The following UST variants were observed in gnomAD, a reference collection of about 807,000 sequenced individuals.
UST encodes the protein uronyl 2-sulfotransferase, also known as chondroitin sulfate 2-O-sulfotransferase.
A neutral mutation model predicts 45.6 loss-of-function variants in UST; 21 were observed. The observed-to-expected ratio is 0.46, with a 90% CI of 0.33 to 0.66. The LOEUF (loss-of-function observed/expected upper bound fraction) is 0.66. UST is among the 30% of genes least tolerant of loss of function. The pLI, the probability that UST is intolerant of heterozygous loss-of-function variation, is 0.02. For missense variants in UST, 463 were observed against 512.4 expected (o/e 0.90, Z 0.93); for synonymous variants, 215 against 200.6 (o/e 1.07, Z -0.61).
At chr6:148,899,177 G>T (rs1399131654) in intron 2 of UST, among the ~76,000 whole-genome samples, 2 of 130,318 alleles carry the variant, frequency 1.5e-5, no homozygotes, top group Non-Finnish European at 3.1e-5. Flanking sequence ...TCGGCTCACT[G>T]CAAGCTCCGC....
chr6:149,065,405 G>A (rs972271293), intron 7 of UST, among the ~76,000 whole-genome samples: 3 of 152,176 alleles, frequency 2.0e-5, no homozygotes, highest in African/African-American at 7.2e-5. Flanking sequence ...TTATCGTACA[G>A]CAAGACACAC....
intron 1 of UST, among the ~76,000 whole-genome samples, chr6:148,869,636 A>G (rs1778511751): frequency 6.6e-6 from 1 of 152,204 alleles, no homozygotes; most frequent in Non-Finnish European, 1.5e-5. Flanking sequence ...CGCTGGCATC[A>G]AACGCATTTC....
chr6:148,993,154 C>T (rs568382256), intron 5 of UST: 25 of 839,006 alleles, frequency 3.0e-5, no homozygotes, highest in Middle Eastern at 1.2e-3. Flanking sequence ...TCGATTTCTA[C>T]ATCTAAACAA....
At chr6:148,930,508 T>C (rs1478968179) in intron 2 of UST, among the ~76,000 whole-genome samples, 1 of 152,198 alleles carries the variant, frequency 6.6e-6, no homozygotes, top group Non-Finnish European at 1.5e-5. Flanking sequence ...TTGCTGAATT[T>C]AGTCACAGAA....
chr6:148,756,060 A>G (rs1031809120), intron 1 of UST, among the ~76,000 whole-genome samples: 11 of 136,606 alleles, frequency 8.1e-5, no homozygotes, highest in African/African-American at 1.7e-4. Context: ...CCTGTGTCCA[A>G]GTGTTCTCAT....
At chr6:149,019,829 T>G (rs887394053) in intron 6 of UST, among the ~76,000 whole-genome samples, 5 of 152,244 alleles carry the variant, frequency 3.3e-5, no homozygotes, top group African/African-American at 4.8e-5. Context: ...GGGTGTGATC[T>G]GCCCAGGTCC....
At chr6:148,832,727 C>G (rs1005760034) in intron 1 of UST, among the ~76,000 whole-genome samples, 7 of 152,116 alleles carry the variant, frequency 4.6e-5, no homozygotes, top group African/African-American at 1.7e-4. Context: ...GGATACAATA[C>G]CTTATTAGAG....
At chr6:148,940,735 C>T (rs576592707) in intron 2 of UST, among the ~76,000 whole-genome samples, 1 of 152,282 alleles carries the variant, frequency 6.6e-6, no homozygotes, top group Admixed American at 6.5e-5. Flanking sequence ...GAAGTGGTAT[C>T]TCATTGCGAT....
At chr6:148,904,782 G>A (rs1779325632) in intron 2 of UST, among the ~76,000 whole-genome samples, 1 of 152,184 alleles carries the variant, frequency 6.6e-6, no homozygotes, top group Non-Finnish European at 1.5e-5. Context: ...GTCTCCCAAA[G>A]TGCTAAGATA....
At chr6:148,933,428 ATT>A (rs1195931381) in intron 2 of UST, among the ~76,000 whole-genome samples, 3 of 152,216 alleles carry the variant, frequency 2.0e-5, no homozygotes, top group African/African-American at 7.2e-5. Flanking sequence ...TGTAGGTAGC[ATT>A]ACACATGGAA....
intron 1 of UST, among the ~76,000 whole-genome samples, chr6:148,788,061 C>T (rs1418605652): frequency 2.0e-5 from 3 of 152,150 alleles, no homozygotes; most frequent in Admixed American, 6.5e-5. Context: ...TTCCACATGG[C>T]TAGGGAGGCC....
At chr6:149,037,108 G>T (rs1486340018) in intron 7 of UST, among the ~76,000 whole-genome samples, 1 of 152,058 alleles carries the variant, frequency 6.6e-6, no homozygotes, top group African/African-American at 2.4e-5. Context: ...GGGAGTGAAG[G>T]CCTCGGGGGG....
At chr6:148,941,491 T>TATG in intron 3 of UST, 57 bp downstream of exon 3, 1 of 1,527,812 alleles carries the variant, frequency 6.5e-7, no homozygotes, top group Non-Finnish European at 8.8e-7. Flanking sequence ...TTTGTGTAAC[T>TATG]AGTGGGTGCC....
chr6:148,859,664 T>G (rs1207943358), intron 1 of UST, among the ~76,000 whole-genome samples: 2 of 152,232 alleles, frequency 1.3e-5, no homozygotes, highest in African/African-American at 4.8e-5. Context: ...TCGAATTAAT[T>G]TTTGTATAAG....
At chr6:148,951,605 C>T (rs1453436164) in intron 3 of UST, among the ~76,000 whole-genome samples, 1 of 152,118 alleles carries the variant, frequency 6.6e-6, no homozygotes, top group Non-Finnish European at 1.5e-5. Context: ...GGTGAAGGAA[C>T]AGGCAGGCTG....
At chr6:148,782,406 G>A (rs1306417235) in intron 1 of UST, among the ~76,000 whole-genome samples, 1 of 152,012 alleles carries the variant, frequency 6.6e-6, no homozygotes, top group Non-Finnish European at 1.5e-5. Flanking sequence ...GGACTAAATT[G>A]CTGCTATCTC....
intron 1 of UST, among the ~76,000 whole-genome samples, chr6:148,777,837 A>G (rs1776565003): frequency 6.6e-6 from 1 of 152,212 alleles, no homozygotes; most frequent in African/African-American, 2.4e-5. Context: ...TACAGGCATG[A>G]GCCACCACAC....
At chr6:148,909,353 T>A (rs1249712995) in intron 2 of UST, among the ~76,000 whole-genome samples, 1 of 152,190 alleles carries the variant, frequency 6.6e-6, no homozygotes, top group Non-Finnish European at 1.5e-5. Context: ...CCCATTCATA[T>A]AGAGAGATGC....
At chr6:149,013,229 G>C (rs1447112173) in intron 5 of UST, among the ~76,000 whole-genome samples, 1 of 152,164 alleles carries the variant, frequency 6.6e-6, no homozygotes, top group Non-Finnish European at 1.5e-5. Flanking sequence ...GCCTTTTCTA[G>C]ATCTTGAGAT....
Sources: gnomAD v4.1 joint callset for allele counts (sites outside exome capture counted in the v4.1 genomes callset) on GRCh38, gnomAD v4.1.1 for gene constraint, MANE v1.5 for transcripts, NCBI Gene and HGNC (gene_info 2026-07-23, HGNC 2026-07-21) for gene names.